Variants in CDH23 observed in about 807,000 individuals in gnomAD.
CDH23 encodes cadherin-23.
In CDH23, 189 loss-of-function variants were observed where a neutral mutation model predicts 317.1. The observed-to-expected ratio is 0.60, with a 90% CI of 0.53 to 0.67. The LOEUF (loss-of-function observed/expected upper bound fraction) is 0.67. CDH23 is among the 30% of genes least tolerant of loss of function. CDH23 has a pLI of 0.00. For synonymous variants in CDH23, 1,839 were observed against 1,876.8 expected (o/e 0.98, Z 0.52); for missense variants, 4,401 against 4,592.4 (o/e 0.96, Z 1.20).
intron 6 of CDH23, among the ~76,000 whole-genome samples, chr10:71,524,465 A>G (rs1478648144): frequency 6.6e-6 from 1 of 152,172 alleles, no homozygotes; most frequent in Admixed American, 6.5e-5. Context: ...TGGCCTCGTC[A>G]GTCAAAGGCA....
chr10:71,705,184 G>C (rs1759425744), intron 25 of CDH23, 54 bp downstream of exon 25: 13 of 1,517,892 alleles, frequency 8.6e-6, no homozygotes, highest in Middle Eastern at 2.4e-4. Flanking sequence ...CACAGGCCTG[G>C]GTCAGGGGCA....
chr10:71,732,151 C>T lies in CDH23; in HGVS notation c.3880C>T (p.Gln1294Ter), dbSNP rs121908350. 1 of 1,614,030 alleles carries T rather than the reference C, an allele frequency of 6.2e-7. No individual in the cohort carries two copies. The highest frequency in any genetic ancestry group is 1.1e-5 in the South Asian group (1 of 91,082). ...CACTGACCAGGCCCCGCCCTTCAAC[C>T]AGGGCTTCTGCAGCGTCTACATCAC... Reference protein sequence around the residue: ...SATDQAPPFNQGFCSVYITLL... With the variant: ...SATDQAPPFN The change falls in exon 32 of 70, where the codon CAG (glutamine) becomes TAG (stop). Residue 1294 changes from glutamine to a stop codon, truncating the protein, a stop_gained. Coordinates refer to ENST00000224721, the MANE Select transcript of CDH23 (RefSeq NM_022124.6). LOFTEE classifies it high-confidence loss of function.
At chr10:71,697,108 T>C (rs1273991579) in intron 22 of CDH23, among the ~76,000 whole-genome samples, 1 of 152,226 alleles carries the variant, frequency 6.6e-6, no homozygotes. Context: ...CCAGCCTGGA[T>C]TGCCGTTATC....
At chr10:71,769,570 C>G (rs76959136) in intron 38 of CDH23, among the ~76,000 whole-genome samples, 1 of 151,576 alleles carries the variant, frequency 6.6e-6, no homozygotes, top group Non-Finnish European at 1.5e-5. Flanking sequence ...TAGGGAAACA[C>G]CATCATGGAA....
At chr10:71,575,495 C>T (rs1858124777) in intron 8 of CDH23, among the ~76,000 whole-genome samples, 1 of 152,190 alleles carries the variant, frequency 6.6e-6, no homozygotes. Flanking sequence ...GAGTCAAACC[C>T]TTAACCACCT....
intron 3 of CDH23, among the ~76,000 whole-genome samples, chr10:71,495,754 T>C (rs561762975): frequency 6.6e-6 from 1 of 151,538 alleles, no homozygotes. Flanking sequence ...GGAGGATCAC[T>C]TGAGCCCAGG....
In CDH23 at chr10:71,675,182, A is replaced by C; in HGVS notation, c.1514+6A>C. 6.2e-7 allele frequency: 1 copy of C among 1,612,698 alleles called. No individual in the cohort carries two copies. Among genetic ancestry groups the C allele is most frequent in the Non-Finnish European group, 8.5e-7 (1 of 1,178,908 alleles). ...TTCAGTGATGACCCTGACAGGTGAG[A>C]CTCTGCCCACAGCCCCTCAGGCCCC... On this transcript the variant is annotated splice_donor_region_variant and intron_variant, in intron 15 of 69. Coordinates refer to ENST00000224721, the MANE Select transcript of CDH23 (RefSeq NM_022124.6).
At chr10:71,759,930 C>CAT (rs1169681195) in intron 38 of CDH23, among the ~76,000 whole-genome samples, 3 of 54,518 alleles carry the variant, frequency 5.5e-5, no homozygotes, top group Non-Finnish European at 9.1e-5. Flanking sequence ...TACACACACA[C>CAT]ATATATACAC....
intron 7 of CDH23, among the ~76,000 whole-genome samples, chr10:71,568,981 T>G (rs961071918): frequency 6.6e-6 from 1 of 152,172 alleles, no homozygotes; most frequent in African/African-American, 2.4e-5. Flanking sequence ...AAAAGCCTGG[T>G]TATGGCAAAT....
intron 6 of CDH23, among the ~76,000 whole-genome samples, chr10:71,523,017 C>A (rs1216091438): frequency 6.6e-6 from 1 of 152,120 alleles, no homozygotes; most frequent in African/African-American, 2.4e-5. Flanking sequence ...CAAAGCAAGC[C>A]CAAATGCATT....
chr10:71,667,387 TGTGTGTGTGC>T (rs1863955058), intron 14 of CDH23, among the ~76,000 whole-genome samples: 3 of 149,752 alleles, frequency 2.0e-5, no homozygotes, highest in Admixed American at 1.3e-4. Flanking sequence ...TGTGTGTGTG[TGTGTGTGTGC>T]GCGTGTGTGT....
chr10:71,583,116 G>A (rs1858759535), intron 9 of CDH23, among the ~76,000 whole-genome samples: 1 of 152,166 alleles, frequency 6.6e-6, no homozygotes, highest in Non-Finnish European at 1.5e-5. Context: ...AGGAGGAGTA[G>A]GAATTTGCCG....
At chr10:71,467,313 G>A (rs1469800475) in intron 3 of CDH23, among the ~76,000 whole-genome samples, 1 of 152,184 alleles carries the variant, frequency 6.6e-6, no homozygotes, top group Middle Eastern at 3.2e-3. Context: ...GCTTCCGTGT[G>A]CATGAGAATC....
intron 11 of CDH23, among the ~76,000 whole-genome samples, chr10:71,626,408 G>T (rs1861737825): frequency 6.6e-6 from 1 of 152,196 alleles, no homozygotes; most frequent in African/African-American, 2.4e-5. Flanking sequence ...GTGGGAGCAG[G>T]GAGGAGACAA....
intron 22 of CDH23, among the ~76,000 whole-genome samples, chr10:71,700,390 G>GA (rs952033595): frequency 3.0e-4 from 45 of 151,362 alleles, no homozygotes; most frequent in African/African-American, 9.4e-4. Context: ...TCGTCTCAAA[G>GA]AAAAAAAAAT....
chr10:71,661,906 C>T (rs1484333790), intron 14 of CDH23, among the ~76,000 whole-genome samples: 1 of 124,216 alleles, frequency 8.1e-6, no homozygotes, highest in Admixed American at 7.9e-5. Context: ...CCACCCAGCG[C>T]GCCCCCTTCC....
In CDH23 at chr10:71,675,102, G is replaced by T. The variant is rs751220612; in HGVS notation, c.1450-10G>T. ...CTGGCAGTAATGACTTCTTGTTCTC[G>T]CTGTTGCAGGCAACTGACAATGATG... is the stretch of plus-strand genomic sequence containing the variant. On this transcript the variant is annotated splice_polypyrimidine_tract_variant and intron_variant, in intron 14 of 69. Transcript: ENST00000224721. The T allele has an allele frequency of 1.2e-6, 2 of 1,613,490 alleles. No homozygotes were observed. Among genetic ancestry groups the T allele is most frequent in the Middle Eastern group, 1.7e-4 (1 of 6,060 alleles).
chr10:71,730,787 G>C (rs1839350673), intron 31 of CDH23, among the ~76,000 whole-genome samples, 183 bp downstream of exon 31: 1 of 152,246 alleles, frequency 6.6e-6, no homozygotes, highest in Non-Finnish European at 1.5e-5. Context: ...CAGCCTGAGA[G>C]GGTTGGAATC....
chr10:71,686,477 C>A (rs1008878668), intron 18 of CDH23, among the ~76,000 whole-genome samples: 1 of 152,080 alleles, frequency 6.6e-6, no homozygotes, highest in Non-Finnish European at 1.5e-5. Context: ...ACAATCTTAG[C>A]AGGCTGAGAT....
Sources: gnomAD v4.1 joint callset for allele counts (sites outside exome capture counted in the v4.1 genomes callset) on GRCh38, gnomAD v4.1.1 for gene constraint, MANE v1.5 for transcripts, NCBI Gene and HGNC (gene_info 2026-07-23, HGNC 2026-07-21) for gene names.